The following FREM1 variants were observed in gnomAD, a reference collection of about 807,000 sequenced individuals.
FREM1 encodes FRAS1-related extracellular matrix protein 1.
A neutral mutation model predicts 210.1 loss-of-function variants in FREM1; 220 were observed. That is an observed-to-expected ratio of 1.05 (90% CI 0.94 to 1.17). The LOEUF (loss-of-function observed/expected upper bound fraction) is 1.17, where lower values mean the gene tolerates loss of function less well. Ranked by LOEUF, FREM1 falls within the 50% of genes most tolerant of loss-of-function variation. The pLI is 0.00. For synonymous variants in FREM1, 1,189 were observed against 980.2 expected (o/e 1.21, Z -3.98); for missense variants, 3,454 against 2,675.5 (o/e 1.29, Z -6.42).
At chr9:14,764,334 C>T (rs571151932) in intron 27 of FREM1, among the ~76,000 whole-genome samples, 20 of 152,252 alleles carry the variant, frequency 1.3e-4, no homozygotes, top group African/African-American at 4.6e-4. Flanking sequence ...ACTAATACAA[C>T]CATCGAAAAT....
At chr9:14,756,838 G>C (rs1055772436) in intron 28 of FREM1, among the ~76,000 whole-genome samples, 1 of 152,140 alleles carries the variant, frequency 6.6e-6, no homozygotes, top group African/African-American at 2.4e-5. Context: ...AAATTGATGA[G>C]GAGAAGAAAA....
At chr9:14,814,217 C>T (rs1298182339) in intron 15 of FREM1, among the ~76,000 whole-genome samples, 2 of 152,184 alleles carry the variant, frequency 1.3e-5, no homozygotes, top group Non-Finnish European at 2.9e-5. Flanking sequence ...TCTATTTTAG[C>T]ATCCTATTTA....
intron 9 of FREM1, 80 bp downstream of exon 9, chr9:14,842,236 G>C: frequency 1.1e-6 from 1 of 883,062 alleles, no homozygotes; most frequent in Non-Finnish European, 1.8e-6. Flanking sequence ...CACAATTTCA[G>C]CAAACCCAGA....
intron 20 of FREM1, among the ~76,000 whole-genome samples, chr9:14,800,080 C>G (rs1483639602): frequency 6.6e-6 from 1 of 151,406 alleles, no homozygotes; most frequent in African/African-American, 2.4e-5. Context: ...AAATTTAAAC[C>G]TGAGATGATT....
At position 14,769,711 on chromosome 9, in the gene FREM1, C is replaced by T. The variant is rs747960652; in HGVS notation, c.5204+13G>A. ...GTAACATATAGGACTACTGAATAAG[C>T]AAGAGAATTTACATTTGAGGAGTGG... On this transcript the variant is annotated intron_variant, in intron 27 of 36. Coordinates refer to ENST00000380880, the MANE Select transcript of FREM1 (RefSeq NM_001379081.2). 3 of 1,611,172 alleles carry T rather than the reference C, an allele frequency of 1.9e-6. No individual in the cohort carries two copies. The Admixed American group carries it at 5.0e-5, about 27-fold the overall frequency.
chr9:14,851,625 A>ATTGCTCACGCCTGC lies in FREM1; in HGVS notation c.829-19_829-18insGCAGGCGTGAGCAA. ...CTCTCTGACTTTTGAAGGATAGAGA[A>ATTGCTCACGCCTGC]AATATAAAGGAGGAAATAATATGAA... On this transcript the variant is annotated intron_variant, in intron 5 of 36. Coordinates refer to ENST00000380880, the MANE Select transcript of FREM1 (RefSeq NM_001379081.2). 1 of 1,548,734 alleles carries ATTGCTCACGCCTGC rather than the reference A, an allele frequency of 6.5e-7. No individual in the cohort carries two copies. Among genetic ancestry groups the ATTGCTCACGCCTGC allele is most frequent in the Non-Finnish European group, 8.9e-7 (1 of 1,120,682 alleles).
intron 33 of FREM1, 31 bp downstream of exon 33, chr9:14,747,233 G>C (rs754058350): frequency 6.2e-7 from 1 of 1,604,022 alleles, no homozygotes; most frequent in East Asian, 2.2e-5. Context: ...CTTGTTATAA[G>C]GTGAGTAAGA....
intron 1 of FREM1, among the ~76,000 whole-genome samples, chr9:14,897,390 T>C (rs1425191428): frequency 1.3e-5 from 2 of 152,150 alleles, no homozygotes; most frequent in South Asian, 2.1e-4. Context: ...TGCTCTACCA[T>C]AGGGTGATCA....
intron 8 of FREM1, among the ~76,000 whole-genome samples, chr9:14,845,495 G>A (rs556342126): frequency 6.6e-6 from 1 of 152,104 alleles, no homozygotes; most frequent in Non-Finnish European, 1.5e-5. Flanking sequence ...AGTAGAGACG[G>A]AGTTTTACCA....
At chr9:14,891,380 C>G (rs1370248303) in intron 1 of FREM1, among the ~76,000 whole-genome samples, 1 of 152,178 alleles carries the variant, frequency 6.6e-6, no homozygotes, top group Non-Finnish European at 1.5e-5. Context: ...AATTCTTGCC[C>G]TTAGAGAGTG....
intron 23 of FREM1, among the ~76,000 whole-genome samples, chr9:14,786,323 T>C (rs1333756905): frequency 2.0e-5 from 3 of 152,212 alleles, no homozygotes; most frequent in Non-Finnish European, 2.9e-5. Flanking sequence ...AGGGAGCTCT[T>C]GTGAACTAAT....
In FREM1 at chr9:14,824,069, C is replaced by A. The variant is rs372164391; in HGVS notation, c.2125G>T (p.Val709Leu). ...KLFMVDSIPK[V>L]VKNPTALELR... is the part of the protein sequence containing the mutation. Reference sequence around the variant, plus strand: ...TCCAGGGCCGTAGGATTCTTAACTACTTTTGGTATGCTGTCCACCATAAAT... The same window carrying A: ...TCCAGGGCCGTAGGATTCTTAACTAATTTTGGTATGCTGTCCACCATAAAT... Residue 709 changes from valine to leucine, a missense_variant, in exon 12 of 37, where the codon GTA becomes TTA. Physicochemically the swap from Val to Leu is conservative, Grantham distance 32. Coordinates refer to ENST00000380880, the MANE Select transcript of FREM1 (RefSeq NM_001379081.2). The A allele has an allele frequency of 6.3e-7, 1 of 1,592,770 alleles. No homozygotes were observed.
At chr9:14,886,126 C>T (rs982247359) in intron 1 of FREM1, among the ~76,000 whole-genome samples, 1 of 152,156 alleles carries the variant, frequency 6.6e-6, no homozygotes, top group African/African-American at 2.4e-5. Flanking sequence ...GTGGCTCACG[C>T]CTGTAATCCC....
At chr9:14,872,353 G>C (rs1399676423) in intron 1 of FREM1, among the ~76,000 whole-genome samples, 4 of 152,190 alleles carry the variant, frequency 2.6e-5, no homozygotes, top group East Asian at 3.9e-4. Context: ...TTGAGCAGTG[G>C]TTTGTAGTTC....
At chr9:14,871,616 C>G (rs926253675) in intron 1 of FREM1, among the ~76,000 whole-genome samples, 3 of 152,180 alleles carry the variant, frequency 2.0e-5, no homozygotes, top group Non-Finnish European at 2.9e-5. Flanking sequence ...CCTGTTCACT[C>G]TGATGGTAGT....
In FREM1 at chr9:14,828,641, G is replaced by A. The variant is rs1439608588; in HGVS notation, c.1882-3649C>T. ...GGGAGAAGAACATAAATTGTGGCGGGGCGGGGGAGGTGCCGGGGTAGAATG... is the reference window on the plus strand; with the variant it reads ...GGGAGAAGAACATAAATTGTGGCGGAGCGGGGGAGGTGCCGGGGTAGAATG... On this transcript the variant is annotated intron_variant, in intron 10 of 36. Coordinates refer to ENST00000380880, the MANE Select transcript of FREM1 (RefSeq NM_001379081.2). Among the ~76,000 whole-genome samples the A allele has an allele frequency of 9.6e-5, 12 of 124,852 alleles. 1 individual carries two copies. The highest frequency in any genetic ancestry group is 9.4e-4 in the Admixed American group (11 of 11,662). 81.9% of individuals were successfully genotyped at this position (124,852 alleles called of 152,430 possible).
chr9:14,879,162 A>AAAG (rs1201566741), intron 1 of FREM1, among the ~76,000 whole-genome samples: 2 of 152,012 alleles, frequency 1.3e-5, no homozygotes, highest in South Asian at 2.1e-4. Context: ...CGTCTCAAAA[A>AAAG]AAAAAAAAAA....
chr9:14,795,131 A>G (rs1240894215), intron 21 of FREM1, among the ~76,000 whole-genome samples: 1 of 152,168 alleles, frequency 6.6e-6, no homozygotes, highest in African/African-American at 2.4e-5. Flanking sequence ...TTGTCTTTGT[A>G]TTTTTACAAT....
intron 16 of FREM1, among the ~76,000 whole-genome samples, chr9:14,811,430 A>G (rs1819383805): frequency 6.6e-6 from 1 of 152,186 alleles, no homozygotes; most frequent in South Asian, 2.1e-4. Flanking sequence ...ATAAATAACA[A>G]TCATTGGTCT....
Sources: gnomAD v4.1 joint callset for allele counts (sites outside exome capture counted in the v4.1 genomes callset) on GRCh38, gnomAD v4.1.1 for gene constraint, MANE v1.5 for transcripts, NCBI Gene and HGNC (gene_info 2026-07-23, HGNC 2026-07-21) for gene names.